The following FAM184B variants were observed in gnomAD, a reference collection of about 807,000 sequenced individuals.
FAM184B encodes the protein family with sequence similarity 184 member B, also known as protein FAM184B.
A neutral mutation model predicts 135.9 loss-of-function variants in FAM184B; 111 were observed. The ratio of observed to expected loss-of-function variants is 0.82; its 90% confidence interval spans 0.70 to 0.96. The LOEUF is 0.96. FAM184B is among the 40% of genes least tolerant of loss of function. The probability of loss-of-function intolerance (pLI) is 0.00; values close to 1 mark genes in which losing one functional copy is unlikely to be tolerated. For synonymous variants in FAM184B, 552 were observed against 524.8 expected (o/e 1.05, Z -0.71); for missense variants, 1,375 against 1,323.9 (o/e 1.04, Z -0.60).
intron 1 of FAM184B, among the ~76,000 whole-genome samples, chr4:17,754,568 A>AC (rs1718379435): frequency 1.3e-5 from 2 of 150,864 alleles, no homozygotes; most frequent in East Asian, 1.9e-4. Flanking sequence ...AAAAAAAAAA[A>AC]AAGGTAAAAG....
chr4:17,771,088 A>G (rs973977836), intron 1 of FAM184B, among the ~76,000 whole-genome samples: 2 of 152,182 alleles, frequency 1.3e-5, no homozygotes, highest in African/African-American at 2.4e-5. Flanking sequence ...TAATGTTTCT[A>G]TGAACATTCT....
rs1308699359 is a variant in FAM184B, at chr4:17,685,459, G to A, written c.1596+2965C>T. On this transcript the variant is annotated intron_variant, in intron 7 of 17. Transcript: ENST00000265018. Reference sequence around the variant, plus strand: ...AGCTACTTGGGAGGCTGAGGCAGAAGAATCGCTTGAACCCGGGAGGTGGAG... The same window carrying A: ...AGCTACTTGGGAGGCTGAGGCAGAAAAATCGCTTGAACCCGGGAGGTGGAG... Among the ~76,000 whole-genome samples the A allele has an allele frequency of 2.0e-5, 3 of 148,506 alleles. No individual in the cohort carries two copies. The Admixed American group carries it at 2.1e-4, about 10-fold the overall frequency.
At chr4:17,686,671 C>T (rs891087284) in intron 7 of FAM184B, among the ~76,000 whole-genome samples, 2 of 152,214 alleles carry the variant, frequency 1.3e-5, no homozygotes, top group African/African-American at 4.8e-5. Context: ...GCTGAGCATG[C>T]TGGCTCATGC....
At chr4:17,713,898 T>C (rs780276279) in intron 1 of FAM184B, among the ~76,000 whole-genome samples, 1 of 151,790 alleles carries the variant, frequency 6.6e-6, no homozygotes, top group African/African-American at 2.4e-5. Context: ...GACAAGAAAA[T>C]GGAAAGTTTC....
intron 13 of FAM184B, among the ~76,000 whole-genome samples, chr4:17,640,738 C>G (rs1165324394): frequency 6.6e-6 from 1 of 152,044 alleles, no homozygotes; most frequent in Admixed American, 6.5e-5. Context: ...TATGAAATAT[C>G]CTGTGTCTTT....
chr4:17,685,463 C>G (rs1162672013), intron 7 of FAM184B, among the ~76,000 whole-genome samples: 1 of 150,102 alleles, frequency 6.7e-6, no homozygotes, highest in Non-Finnish European at 1.5e-5. Flanking sequence ...GCAGAAGAAT[C>G]GCTTGAACCC....
At chr4:17,744,432 T>C (rs939451252) in intron 1 of FAM184B, among the ~76,000 whole-genome samples, 6 of 150,910 alleles carry the variant, frequency 4.0e-5, no homozygotes, top group African/African-American at 1.5e-4. Context: ...GGATTCAATG[T>C]GCCATGAGTC....
rs1290468916 is a variant in FAM184B at position 17,629,871 on chromosome 4, T to C, written c.*2661A>G. The C allele has an allele frequency of 6.6e-6, 1 of 152,234 alleles. No individual in the cohort carries two copies. Among genetic ancestry groups the C allele is most frequent in the Non-Finnish European group, 1.5e-5 (1 of 68,046 alleles). The allele number at this position is 152,234 out of a possible 1,614,324, so 9.4% of individuals were successfully genotyped here. On this transcript the variant is annotated 3_prime_UTR_variant, in exon 18 of 18. Coordinates refer to ENST00000265018, the MANE Select transcript of FAM184B (RefSeq NM_015688.2). The stretch of plus-strand genomic sequence containing the variant: ...TAAGGGTGTAAATTGTTAGAAACTT[T>C]CTGAATGGCAGTTTGGTAATAACAA...
intron 1 of FAM184B, among the ~76,000 whole-genome samples, chr4:17,746,387 GTTC>G (rs1718163105): frequency 6.6e-6 from 1 of 152,050 alleles, no homozygotes; most frequent in African/African-American, 2.4e-5. Flanking sequence ...TTAGCCAATG[GTTC>G]TTCTACTTCA....
chr4:17,702,117 C>T (rs1242734071), intron 5 of FAM184B, among the ~76,000 whole-genome samples: 3 of 152,122 alleles, frequency 2.0e-5, no homozygotes, highest in African/African-American at 7.2e-5. Context: ...ATTTGTTTTG[C>T]AATAGATTTG....
chr4:17,639,979 G>C (rs1232493894), intron 13 of FAM184B, among the ~76,000 whole-genome samples: 4 of 151,568 alleles, frequency 2.6e-5, no homozygotes, highest in Non-Finnish European at 1.5e-5. Context: ...CAGGCGCCCA[G>C]CACCAGGCCC....
rs1560190028 is a variant in FAM184B, at chr4:17,739,553, C to CTTTTTTTTTTTTTTT, written c.142-29910_142-29909insAAAAAAAAAAAAAAA. Among the ~76,000 whole-genome samples the CTTTTTTTTTTTTTTT allele has an allele frequency of 3.9e-3, 34 of 8,650 alleles. 2 individuals carry two copies. Among genetic ancestry groups the CTTTTTTTTTTTTTTT allele is most frequent in the East Asian group, 8.5e-3 (2 of 236 alleles). The allele number at this position is 8,650 out of a possible 152,430, so 5.7% of individuals were successfully genotyped here. A position where few individuals can be genotyped will look rare whatever the true frequency, so the allele number is the denominator to read the frequency against. ...CTCCCTACACCATATGTCATACCAA[C>CTTTTTTTTTTTTTTT]TGTTTTTTTTTTTTTTTTGAGATGG... On this transcript the variant is annotated intron_variant, in intron 1 of 17. Transcript: ENST00000265018.
chr4:17,699,547 T>G (rs1479574671), intron 5 of FAM184B, among the ~76,000 whole-genome samples: 1 of 152,108 alleles, frequency 6.6e-6, no homozygotes, highest in African/African-American at 2.4e-5. Context: ...AGATACTGAA[T>G]GACATCTTTA....
chr4:17,740,061 A>C (rs952523429), intron 1 of FAM184B, among the ~76,000 whole-genome samples: 8 of 152,092 alleles, frequency 5.3e-5, no homozygotes, highest in Non-Finnish European at 1.0e-4. Flanking sequence ...TCATAAAAAA[A>C]TGTCTGGCAG....
intron 5 of FAM184B, among the ~76,000 whole-genome samples, 200 bp from the exon 6 acceptor site, chr4:17,693,612 G>C: frequency 6.6e-6 from 1 of 152,160 alleles, no homozygotes; most frequent in East Asian, 1.9e-4. Context: ...ATATATATAG[G>C]GGTGGGGCGG....
At position 17,664,628 on chromosome 4, in the gene FAM184B, G is replaced by T; in HGVS notation, c.1628C>A (p.Pro543Gln). ...CTTATCTTGATACTCCTCTCCTCTC[G>T]GCGAAGTTTCATCCAGCTTCAAGCA... ...DPCLKLDETS[P>Q]RGEEYQDKLA... The change falls in exon 8 of 18, where the codon CCG becomes CAG. Residue 543 changes from proline (P) to glutamine (Q), a missense_variant. Coordinates refer to ENST00000265018, the MANE Select transcript of FAM184B (RefSeq NM_015688.2). 2 of 1,550,484 alleles carry T rather than the reference G, an allele frequency of 1.3e-6. No homozygotes were observed. The highest frequency in any genetic ancestry group is 1.7e-6 in the Non-Finnish European group (2 of 1,146,836).
chr4:17,641,274 G>A (rs1438211309), intron 13 of FAM184B, among the ~76,000 whole-genome samples: 1 of 151,816 alleles, frequency 6.6e-6, no homozygotes, highest in African/African-American at 2.4e-5. Flanking sequence ...GACTCAGTCT[G>A]GGAGAGGTCA....
rs536093862 is a variant in FAM184B at position 17,695,795 on chromosome 4, C to CT, written c.1378-2384dup. Among the ~76,000 whole-genome samples the CT allele has an allele frequency of 3.3e-4, 50 of 152,152 alleles. No individual in the cohort carries two copies. In the East Asian group the frequency reaches 9.3e-3, roughly 28 times the overall value. On this transcript the variant is annotated intron_variant, in intron 5 of 17. Coordinates refer to ENST00000265018, the MANE Select transcript of FAM184B (RefSeq NM_015688.2). Reference sequence around the variant, plus strand: ...CAAGCTTGATACATCTGTTAGATGTCTAATTAGATAGATAGAGGGTCTGGA... The same window carrying CT: ...CAAGCTTGATACATCTGTTAGATGTCTTAATTAGATAGATAGAGGGTCTGGA...
At chr4:17,746,348 A>G (rs992536031) in intron 1 of FAM184B, among the ~76,000 whole-genome samples, 2 of 152,298 alleles carry the variant, frequency 1.3e-5, no homozygotes, top group Admixed American at 1.3e-4. Context: ...TGAAAACTCT[A>G]CACATTATGT....
Sources: allele counts gnomAD v4.1 joint callset (sites outside exome capture counted in the v4.1 genomes callset), GRCh38; gene constraint gnomAD v4.1.1; transcripts MANE v1.5; gene names NCBI Gene and HGNC (gene_info 2026-07-23, HGNC 2026-07-21).